Variants in PLPPR1 observed in about 807,000 individuals in gnomAD.
The protein encoded by PLPPR1 is phospholipid phosphatase-related protein type 1.
In PLPPR1, 10 loss-of-function variants were observed where a neutral mutation model predicts 33.1. The observed-to-expected ratio is 0.30, with a 90% CI of 0.19 to 0.51. The LOEUF is 0.51. Among genes scored for constraint, PLPPR1 ranks in the 20% least tolerant of loss-of-function variants. The pLI, the probability that PLPPR1 is intolerant of heterozygous loss-of-function variation, is 0.97. For missense variants in PLPPR1, 304 were observed against 408.1 expected, an observed-to-expected ratio of 0.74 and a Z score of 2.20; for synonymous variants, 151 against 151.0, an observed-to-expected ratio of 1.00 and a Z score of 0.00.
intron 7 of PLPPR1, among the ~76,000 whole-genome samples, chr9:101,322,303 C>T (rs1829169564): frequency 6.7e-6 from 1 of 149,230 alleles, no homozygotes; most frequent in South Asian, 2.1e-4. Flanking sequence ...ATTTCATAGA[C>T]CCAAAGCATT....
At chr9:101,077,187 G>C (rs1429237599) in intron 1 of PLPPR1, among the ~76,000 whole-genome samples, 1 of 152,136 alleles carries the variant, frequency 6.6e-6, no homozygotes, top group Non-Finnish European at 1.5e-5. Flanking sequence ...ACATCTCACA[G>C]ATCTTTTGAG....
At chr9:101,228,373 G>A (rs936197157) in intron 2 of PLPPR1, among the ~76,000 whole-genome samples, 5 of 152,100 alleles carry the variant, frequency 3.3e-5, no homozygotes, top group East Asian at 3.9e-4. Flanking sequence ...AAAGCAAAGC[G>A]TGAGGTCCAC....
At chr9:101,145,856 A>C (rs1472563625) in intron 1 of PLPPR1, among the ~76,000 whole-genome samples, 3 of 151,618 alleles carry the variant, frequency 2.0e-5, no homozygotes, top group Non-Finnish European at 2.9e-5. Flanking sequence ...AAAAAAAAAA[A>C]AAAAATGAAA....
At chr9:101,073,926 T>C (rs1011177877) in intron 1 of PLPPR1, among the ~76,000 whole-genome samples, 1 of 152,128 alleles carries the variant, frequency 6.6e-6, no homozygotes, top group African/African-American at 2.4e-5. Context: ...CCTATTATCA[T>C]GTGATGATAT....
At chr9:101,171,125 C>T (rs1484225037) in intron 1 of PLPPR1, among the ~76,000 whole-genome samples, 2 of 152,004 alleles carry the variant, frequency 1.3e-5, no homozygotes, top group Non-Finnish European at 2.9e-5. Flanking sequence ...CATATAAGTT[C>T]AAAGGATTCA....
In PLPPR1 at chr9:101,068,822, C is replaced by G. The variant is rs151148362; in HGVS notation, c.-46+39720C>G. Among the ~76,000 whole-genome samples, 16 of 152,188 alleles carry G rather than the reference C, an allele frequency of 1.1e-4. No homozygotes were observed. The East Asian group carries it at 2.9e-3, about 28-fold the overall frequency. On this transcript the variant is annotated intron_variant, in intron 1 of 7. Transcript: ENST00000374874. ...GCTAGCAAATGAAGACAGACAAGAA[C>G]GTTACTTCTAGTGAGTGTAGTATAT...
At chr9:101,126,344 C>A (rs1831246351) in intron 1 of PLPPR1, among the ~76,000 whole-genome samples, 1 of 152,214 alleles carries the variant, frequency 6.6e-6, no homozygotes, top group Non-Finnish European at 1.5e-5. Flanking sequence ...TTAGACCAGA[C>A]CTTCTAAGCA....
At chr9:101,175,596 C>T (rs551839747) in intron 1 of PLPPR1, among the ~76,000 whole-genome samples, 1 of 152,082 alleles carries the variant, frequency 6.6e-6, no homozygotes, top group African/African-American at 2.4e-5. Context: ...TCAGTCTCTT[C>T]TTGATATCTG....
intron 2 of PLPPR1, among the ~76,000 whole-genome samples, chr9:101,232,501 A>G (rs986720514): frequency 6.6e-6 from 1 of 151,488 alleles, no homozygotes; most frequent in Non-Finnish European, 1.5e-5. Flanking sequence ...TTAAAAAGAG[A>G]AAAAAAATAA....
intron 1 of PLPPR1, among the ~76,000 whole-genome samples, chr9:101,132,177 T>C (rs1193717247): frequency 6.6e-6 from 1 of 152,164 alleles, no homozygotes; most frequent in Non-Finnish European, 1.5e-5. Flanking sequence ...TGTCCCCTCA[T>C]TGGACAACAC....
intron 1 of PLPPR1, among the ~76,000 whole-genome samples, chr9:101,096,840 G>A (rs904882718): frequency 6.6e-6 from 1 of 152,150 alleles, no homozygotes; most frequent in Non-Finnish European, 1.5e-5. Context: ...TGACGTGGAA[G>A]GATTGCTTGA....
chr9:101,160,743 C>A (rs542244276), intron 1 of PLPPR1, among the ~76,000 whole-genome samples: 2 of 151,980 alleles, frequency 1.3e-5, no homozygotes, highest in Non-Finnish European at 2.9e-5. Context: ...ATGCAAAAAT[C>A]GTATGACTGG....
At chr9:101,100,766 T>A (rs921784979) in intron 1 of PLPPR1, among the ~76,000 whole-genome samples, 1 of 151,392 alleles carries the variant, frequency 6.6e-6, no homozygotes, top group Non-Finnish European at 1.5e-5. Flanking sequence ...CAAGCAGTTA[T>A]AATACACAGG....
At chr9:101,194,868 G>A (rs1826368442) in intron 2 of PLPPR1, among the ~76,000 whole-genome samples, 1 of 152,098 alleles carries the variant, frequency 6.6e-6, no homozygotes, top group African/African-American at 2.4e-5. Flanking sequence ...TAGGAAATTG[G>A]ACCAAATACA....
At position 101,086,531 on chromosome 9, in the gene PLPPR1, A is replaced by G. The variant is rs530110534; in HGVS notation, c.-46+57429A>G. Among the ~76,000 whole-genome samples the G allele has an allele frequency of 5.9e-5, 9 of 152,278 alleles. No individual in the cohort carries two copies. In the East Asian group the frequency reaches 1.4e-3, roughly 23 times the overall value. Reference sequence around the variant, plus strand: ...CTGAAGTGACTGTGAAGATGCTTATATCTGGAGGCTGTCTTCAGTAATCTT... The same window carrying G: ...CTGAAGTGACTGTGAAGATGCTTATGTCTGGAGGCTGTCTTCAGTAATCTT... On this transcript the variant is annotated intron_variant, in intron 1 of 7. Transcript: ENST00000374874.
At chr9:101,159,860 C>A (rs896262767) in intron 1 of PLPPR1, among the ~76,000 whole-genome samples, 2 of 152,154 alleles carry the variant, frequency 1.3e-5, no homozygotes, top group East Asian at 1.9e-4. Flanking sequence ...CAGTTTTAAC[C>A]TTTGCATGTC....
chr9:101,092,031 T>C (rs964616973), intron 1 of PLPPR1, among the ~76,000 whole-genome samples: 1 of 152,126 alleles, frequency 6.6e-6, no homozygotes, highest in East Asian at 1.9e-4. Flanking sequence ...CCCAGCTGCT[T>C]CTCTTGACAC....
At chr9:101,298,777 G>A (rs1019679424) in intron 4 of PLPPR1, among the ~76,000 whole-genome samples, 3 of 152,024 alleles carry the variant, frequency 2.0e-5, no homozygotes, top group Admixed American at 6.6e-5. Context: ...GAAAAAGCCA[G>A]ACACTAAACA....
At chr9:101,122,887 A>T (rs917709398) in intron 1 of PLPPR1, among the ~76,000 whole-genome samples, 2 of 152,222 alleles carry the variant, frequency 1.3e-5, no homozygotes, top group Non-Finnish European at 2.9e-5. Flanking sequence ...GAGGAGCTAG[A>T]TCTGTATTTG....
Sources: gnomAD v4.1 joint callset for allele counts (sites outside exome capture counted in the v4.1 genomes callset) on GRCh38, gnomAD v4.1.1 for gene constraint, MANE v1.5 for transcripts, NCBI Gene and HGNC (gene_info 2026-07-23, HGNC 2026-07-21) for gene names.